The following IL34 variants were observed in gnomAD, a reference collection of about 807,000 sequenced individuals.
IL34 encodes the protein interleukin-34.
Under a neutral mutation model 25.3 loss-of-function variants are expected in IL34, and 17 were observed. The observed-to-expected ratio is 0.67, with a 90% CI of 0.46 to 1.01. The LOEUF (loss-of-function observed/expected upper bound fraction) is 1.01, where lower values mean the gene tolerates loss of function less well. Among genes scored for constraint, IL34 ranks in the 50% least tolerant of loss-of-function variants. IL34 has a pLI of 0.00. For synonymous variants in IL34, 174 were observed against 140.9 expected, an observed-to-expected ratio of 1.23 and a Z score of -1.66; for missense variants, 368 against 312.9, an observed-to-expected ratio of 1.18 and a Z score of -1.33.
At chr16:70,638,155 A>G (rs1361443873) in intron 1 of IL34, among the ~76,000 whole-genome samples, 1 of 152,124 alleles carries the variant, frequency 6.6e-6, no homozygotes, top group East Asian at 1.9e-4. Context: ...CCTGCTTCCA[A>G]CCAGAGGGAG....
chr16:70,602,943 T>C (rs2050940530), intron 1 of IL34, among the ~76,000 whole-genome samples: 1 of 152,096 alleles, frequency 6.6e-6, no homozygotes, highest in African/African-American at 2.4e-5. Context: ...GAGTCCATGT[T>C]TCACGGCCCC....
chr16:70,659,779 C>T (rs1481102197), intron 5 of IL34, 26 bp downstream of exon 5: 1 of 1,580,104 alleles, frequency 6.3e-7, no homozygotes, highest in African/African-American at 1.3e-5. Flanking sequence ...GGGATGGCGC[C>T]TGGGGGTGGG....
rs568228841 is a variant in IL34 at position 70,623,045 on chromosome 16, G to T, written c.-400-23503G>T. 3.3e-5 allele frequency among the ~76,000 whole-genome samples: 5 copies of T among 152,162 alleles called. No homozygotes were observed. The East Asian group carries it at 9.6e-4, about 29-fold the overall frequency. ...GGGATTGAGGTTTGGGGGATTAATC[G>T]GACACGAGCAGCAGGGGGAGCACCT... On this transcript the variant is annotated intron_variant, in intron 1 of 6. Coordinates refer to the IL34 transcript ENST00000429149.
upstream of IL34, among the ~76,000 whole-genome samples, chr16:70,645,223 C>T (rs977726692): frequency 9.9e-5 from 15 of 152,016 alleles, no homozygotes; most frequent in Admixed American, 7.9e-4. Context: ...CAGCAGGCAG[C>T]GACTGGGGCT....
Position 70,583,531 on chromosome 16 carries a change from T to C in IL34, c.-401+3482T>C, listed in dbSNP as rs186893524. On this transcript the variant is annotated intron_variant, in intron 1 of 6. Transcript: ENST00000429149. ...TTCCCCTGCATCTCAGGGGCTCTAA[T>C]TGTGCTCAAAATAAATAACTGCAAA... Among the ~76,000 whole-genome samples the C allele has an allele frequency of 7.9e-5, 12 of 152,246 alleles. No individual in the cohort carries two copies. The East Asian group carries it at 2.1e-3, about 27-fold the overall frequency.
chr16:70,622,013 T>A (rs948047961), intron 1 of IL34, among the ~76,000 whole-genome samples: 2 of 152,044 alleles, frequency 1.3e-5, no homozygotes, highest in Non-Finnish European at 1.5e-5. Context: ...CGTATATACG[T>A]GCAAGTCACA....
At chr16:70,581,131 C>T (rs376547632) in intron 1 of IL34, among the ~76,000 whole-genome samples, 1 of 152,074 alleles carries the variant, frequency 6.6e-6, no homozygotes, top group Admixed American at 6.6e-5. Flanking sequence ...AGGCTGGTCT[C>T]GAGCTCCTGA....
At chr16:70,627,061 CAG>C (rs927548922) in intron 1 of IL34, among the ~76,000 whole-genome samples, 2 of 152,044 alleles carry the variant, frequency 1.3e-5, no homozygotes, top group East Asian at 1.9e-4. Flanking sequence ...CTTCTGGACT[CAG>C]GGGATCCTTC....
At chr16:70,580,531 A>G (rs1325266984) in intron 1 of IL34, among the ~76,000 whole-genome samples, 1 of 152,250 alleles carries the variant, frequency 6.6e-6, no homozygotes, top group African/African-American at 2.4e-5. Context: ...TGTAATCTGT[A>G]ATCCCAGCAC....
chr16:70,639,439 G>C (rs551904928), intron 1 of IL34, among the ~76,000 whole-genome samples: 3 of 152,292 alleles, frequency 2.0e-5, no homozygotes, highest in African/African-American at 7.2e-5. Flanking sequence ...CTTGCCTCAT[G>C]GGGAAACGCT....
At chr16:70,623,647 G>A (rs2051326353) in intron 1 of IL34, among the ~76,000 whole-genome samples, 1 of 151,934 alleles carries the variant, frequency 6.6e-6, no homozygotes, top group African/African-American at 2.4e-5. Context: ...GTTAAGGTGG[G>A]GGAATACAAG....
intron 1 of IL34, among the ~76,000 whole-genome samples, chr16:70,583,990 G>A (rs1384685244): frequency 6.6e-6 from 1 of 152,114 alleles, no homozygotes; most frequent in African/African-American, 2.4e-5. Flanking sequence ...TCCTTCCAGG[G>A]TTCTGTACAA....
At chr16:70,637,166 T>C (rs1388388777) in intron 1 of IL34, among the ~76,000 whole-genome samples, 2 of 151,682 alleles carry the variant, frequency 1.3e-5, no homozygotes, top group African/African-American at 2.4e-5. Context: ...GGCCGCCCCT[T>C]CCCCATTTTT....
chr16:70,603,708 T>C (rs1176509717), intron 1 of IL34, among the ~76,000 whole-genome samples: 1 of 152,206 alleles, frequency 6.6e-6, no homozygotes, highest in African/African-American at 2.4e-5. Flanking sequence ...CCTGAACAAC[T>C]GGGAGTACAC....
At position 70,654,641 on chromosome 16, in the gene IL34, G is replaced by A; in HGVS notation, c.132G>A (p.Lys44=). The A allele has an allele frequency of 3.1e-6, 5 of 1,612,942 alleles. No homozygotes were observed. Among genetic ancestry groups the A allele is most frequent in the Non-Finnish European group, 3.4e-6 (4 of 1,179,152 alleles). The change falls in exon 2 of 6, where the codon AAG becomes AAA. Residue 44 remains lysine, a synonymous_variant. Coordinates refer to ENST00000288098, the MANE Select transcript of IL34 (RefSeq NM_001393494.1). Reference sequence around the variant, plus strand: ...CTGTCACGGGTTTTCTGCGGGACAAGCTGCAGTACAGGAGCCGACTTCAGT... The same window carrying A: ...CTGTCACGGGTTTTCTGCGGGACAAACTGCAGTACAGGAGCCGACTTCAGT... ...ECTVTGFLRD[K]LQYRSRLQYM... is the part of the protein sequence containing the mutation.
At chr16:70,602,820 G>T (rs1218743311) in intron 1 of IL34, among the ~76,000 whole-genome samples, 5 of 152,086 alleles carry the variant, frequency 3.3e-5, no homozygotes, top group Non-Finnish European at 7.4e-5. Context: ...GACACTAGGT[G>T]TGCACCATGC....
intron 1 of IL34, among the ~76,000 whole-genome samples, chr16:70,585,772 T>G (rs1479533231): frequency 3.3e-5 from 5 of 150,882 alleles, no homozygotes; most frequent in Non-Finnish European, 1.5e-5. Context: ...GCTTAAGCAG[T>G]CCTCCCACTT....
intron 1 of IL34, among the ~76,000 whole-genome samples, chr16:70,633,535 G>C (rs546607865): frequency 6.6e-6 from 1 of 152,170 alleles, no homozygotes; most frequent in African/African-American, 2.4e-5. Context: ...AAAGTGCTGG[G>C]ATTCCAGGTG....
chr16:70,646,684 C>G lies in IL34; in HGVS notation c.-264C>G, dbSNP rs1004949005. The G allele has an allele frequency of 9.0e-6, 4 of 445,398 alleles. No homozygotes were observed. In the South Asian group the frequency reaches 1.6e-4, roughly 17 times the overall value. The allele number at this position is 445,398 out of a possible 1,614,324, so 27.6% of individuals were successfully genotyped here. On this transcript the variant is annotated 5_prime_UTR_variant, in exon 1 of 6. Transcript: ENST00000288098. ...AAGACCCCGAAAGACCCCCAAGCCA[C>G]CGGCTCAGACCTGCTTCTGGGCTGC...
Sources: gnomAD v4.1 joint callset for allele counts (sites outside exome capture counted in the v4.1 genomes callset) on GRCh38, gnomAD v4.1.1 for gene constraint, MANE v1.5 for transcripts, NCBI Gene and HGNC (gene_info 2026-07-23, HGNC 2026-07-21) for gene names.